The following HPS3 variants were observed in gnomAD, a reference collection of about 807,000 sequenced individuals.
HPS3 encodes BLOC-2 complex member HPS3.
HPS3 carries 79 observed loss-of-function variants against 110.9 expected under a neutral mutation model. The ratio of observed to expected loss-of-function variants is 0.71; its 90% CI spans 0.59 to 0.86. The LOEUF (loss-of-function observed/expected upper bound fraction) is 0.86, where lower values mean the gene tolerates loss of function less well. Among genes scored for constraint, HPS3 ranks in the 40% least tolerant of loss-of-function variants. The pLI is 0.00. For synonymous variants in HPS3, 428 were observed against 451.0 expected, an observed-to-expected ratio of 0.95 and a Z score of 0.65; for missense variants, 1,197 against 1,206.2, an observed-to-expected ratio of 0.99 and a Z score of 0.11.
At position 149,172,318 on chromosome 3, in the gene HPS3, T is replaced by TCACA. The variant is rs113015797; in HGVS notation, c.*131_*134dup. The TCACA allele has an allele frequency of 0.11, 63,340 of 567,798 alleles. 1,751 individuals are homozygous for TCACA. Among genetic ancestry groups the TCACA allele is most frequent in the East Asian group, 0.17 (4,574 of 26,838 alleles). 35.2% of individuals were successfully genotyped at this position (567,798 alleles called of 1,614,324 possible). On this transcript the variant is annotated 3_prime_UTR_variant, in exon 17 of 17. Coordinates refer to ENST00000296051, the MANE Select transcript of HPS3 (RefSeq NM_032383.5). ...GTAGAGGAGTTTTTTATTTTATATA[T>TCACA]CACACACACACACACACACACACAC...
chr3:149,146,763 C>A (rs549744211), intron 5 of HPS3, among the ~76,000 whole-genome samples: 3 of 152,124 alleles, frequency 2.0e-5, no homozygotes, highest in Non-Finnish European at 2.9e-5. Context: ...CTACTCTTTC[C>A]AGTGTCCAAA....
chr3:149,172,276 T>A lies in HPS3; in HGVS notation c.*54T>A. On this transcript the variant is annotated 3_prime_UTR_variant, in exon 17 of 17. Coordinates refer to ENST00000296051, the MANE Select transcript of HPS3 (RefSeq NM_032383.5). ...CATTTGAGACTGAATTTCTAAAAAT[T>A]GAATGCCAAAGTACAAGTAGAGGAG... The A allele has an allele frequency of 6.6e-7, 1 of 1,506,090 alleles. No homozygotes were observed. Among genetic ancestry groups the A allele is most frequent in the Non-Finnish European group, 9.1e-7 (1 of 1,093,714 alleles). 93.3% of individuals were successfully genotyped at this position (1,506,090 alleles called of 1,614,324 possible). A position where few individuals can be genotyped will look rare whatever the true frequency, so the allele number is the denominator to read the frequency against.
At chr3:149,163,164 A>G (rs1294253691) in intron 13 of HPS3, among the ~76,000 whole-genome samples, 4 of 152,230 alleles carry the variant, frequency 2.6e-5, no homozygotes, top group Non-Finnish European at 5.9e-5. Context: ...CTTCCAGAAC[A>G]TCACCTCATC....
At chr3:149,164,812 C>T (rs1724244833) in intron 14 of HPS3, among the ~76,000 whole-genome samples, 1 of 152,296 alleles carries the variant, frequency 6.6e-6, no homozygotes, top group African/African-American at 2.4e-5. Context: ...GGCATCCTGA[C>T]CCAAATGCTG....
At chr3:149,136,100 A>G (rs898126123) in intron 1 of HPS3, among the ~76,000 whole-genome samples, 1 of 152,082 alleles carries the variant, frequency 6.6e-6, no homozygotes, top group Non-Finnish European at 1.5e-5. Flanking sequence ...TTTTCAATGT[A>G]CTTAATAAAG....
intron 1 of HPS3, among the ~76,000 whole-genome samples, chr3:149,131,315 G>T (rs1721760874): frequency 6.6e-6 from 1 of 151,874 alleles, no homozygotes; most frequent in African/African-American, 2.4e-5. Flanking sequence ...CCGATACTGC[G>T]TGTTTTTTTC....
chr3:149,148,905 A>G (rs1722939392), intron 5 of HPS3, among the ~76,000 whole-genome samples: 2 of 151,512 alleles, frequency 1.3e-5, no homozygotes, highest in South Asian at 4.2e-4. Context: ...ACAGTAGCCA[A>G]TAGACTGGAT....
In HPS3 at chr3:149,129,777, C is replaced by G; in HGVS notation, c.54C>G (p.Cys18Trp). 6.2e-7 allele frequency: 1 copy of G among 1,608,784 alleles called. No individual in the cohort carries two copies. Among genetic ancestry groups the G allele is most frequent in the Non-Finnish European group, 8.5e-7 (1 of 1,179,036 alleles). Residue 18 changes from cysteine to tryptophan, a missense_variant, in exon 1 of 17, where the codon TGC (cysteine) becomes TGG (tryptophan). Cys to Trp is a radical substitution (Grantham distance 215). Transcript: ENST00000296051. Reference sequence around the variant, plus strand: ...TCGGGTCGCAGCAGGTGGTGCCCTGCAAGCTGGAGCCGGACCGGTTCTGTG... The same window carrying G: ...TCGGGTCGCAGCAGGTGGTGCCCTGGAAGCTGGAGCCGGACCGGTTCTGTG... The part of the protein sequence containing the change: ...HPFGSQQVVP[C>W]KLEPDRFCGG...
intron 14 of HPS3, among the ~76,000 whole-genome samples, chr3:149,166,499 T>C (rs1724429883): frequency 6.6e-6 from 1 of 152,258 alleles, no homozygotes; most frequent in South Asian, 2.1e-4. Flanking sequence ...GTTCAGAATA[T>C]AATTTTGTAT....
intron 6 of HPS3, 101 bp from the exon 7 acceptor site, chr3:149,153,393 T>TGGC: frequency 9.8e-7 from 1 of 1,016,408 alleles, no homozygotes; most frequent in Non-Finnish European, 1.5e-6. Context: ...TATGGGATGG[T>TGGC]GGCAGCAGAA....
intron 1 of HPS3, among the ~76,000 whole-genome samples, chr3:149,138,311 A>G (rs569693463): frequency 1.3e-5 from 2 of 152,328 alleles, no homozygotes; most frequent in South Asian, 2.1e-4. Flanking sequence ...TGGGAAGTCA[A>G]TGTAATGGCA....
intron 4 of HPS3, among the ~76,000 whole-genome samples, chr3:149,144,654 C>T (rs1327417338): frequency 2.6e-5 from 4 of 152,232 alleles, no homozygotes; most frequent in Non-Finnish European, 4.4e-5. Flanking sequence ...TGAATCCTTA[C>T]GTGTCATTTA....
chr3:149,171,577 T>A (rs978983388), intron 16 of HPS3, among the ~76,000 whole-genome samples: 4 of 152,032 alleles, frequency 2.6e-5, no homozygotes, highest in Admixed American at 2.0e-4. Context: ...GTGGCTGATA[T>A]AAAATAACCT....
intron 11 of HPS3, among the ~76,000 whole-genome samples, chr3:149,161,023 T>C (rs959639087): frequency 1.3e-5 from 2 of 152,192 alleles, no homozygotes; most frequent in Non-Finnish European, 2.9e-5. Flanking sequence ...TTTCAGAATC[T>C]GTGCTCCTGC....
Position 149,162,234 on chromosome 3 carries a change from T to TC in HPS3, c.2194dup (p.His732ProfsTer26). 1 of 1,614,026 alleles carries TC rather than the reference T, an allele frequency of 6.2e-7. No individual in the cohort carries two copies. The highest frequency in any genetic ancestry group is 8.5e-7 in the Non-Finnish European group (1 of 1,179,944). Reference sequence around the variant, plus strand: ...AGATTGTTCCAACCGAGCTTGCACTTCACTTGAAGGAAACTCAGCCTGGAT... The same window carrying TC: ...AGATTGTTCCAACCGAGCTTGCACTTCCACTTGAAGGAAACTCAGCCTGGAT... On this transcript the variant is annotated frameshift_variant, in exon 12 of 17. Coordinates refer to ENST00000296051, the MANE Select transcript of HPS3 (RefSeq NM_032383.5). LOFTEE classifies it high-confidence loss of function.
At chr3:149,153,286 AC>A (rs1206304570) in intron 6 of HPS3, among the ~76,000 whole-genome samples, 2 of 152,202 alleles carry the variant, frequency 1.3e-5, no homozygotes, top group African/African-American at 4.8e-5. Context: ...TCTATGGAAT[AC>A]ACTATTGGTT....
chr3:149,139,966 A>G (rs879242208), intron 1 of HPS3, 38 bp from the exon 2 acceptor site: 2 of 1,585,062 alleles, frequency 1.3e-6, no homozygotes, highest in East Asian at 2.2e-5. Flanking sequence ...TTGTATTTCT[A>G]ATTACAAATT....
intron 5 of HPS3, 115 bp downstream of exon 5, chr3:149,145,661 G>A: frequency 2.4e-6 from 2 of 832,966 alleles, no homozygotes; most frequent in South Asian, 1.3e-5. Context: ...AAATGCATGA[G>A]TTACATGTCA....
rs1262900495 is a variant in HPS3 at position 149,167,870 on chromosome 3, T to G, written c.2797-23T>G. 2.1e-6 allele frequency: 3 copies of G among 1,416,944 alleles called. No homozygotes were observed. The highest frequency in any genetic ancestry group is 1.7e-5 in the Admixed American group (1 of 59,734). The allele number at this position is 1,416,944 out of a possible 1,614,324, so 87.8% of individuals were successfully genotyped here. On this transcript the variant is annotated intron_variant, in intron 15 of 16. Transcript: ENST00000296051. ...AGAATAAAATGCATCAAACTAAAAT[T>G]TATTCATTTTTTCCTAAGATAGACT... is the stretch of plus-strand genomic sequence containing the variant.
Sources: gnomAD v4.1 joint callset for allele counts (sites outside exome capture counted in the v4.1 genomes callset) on GRCh38, gnomAD v4.1.1 for gene constraint, MANE v1.5 for transcripts, NCBI Gene and HGNC (gene_info 2026-07-23, HGNC 2026-07-21) for gene names.